The following USP36 variants were observed in gnomAD, a reference collection of about 807,000 sequenced individuals.
USP36 encodes ubiquitin carboxyl-terminal hydrolase 36.
Under a neutral mutation model 111.5 loss-of-function variants are expected in USP36, and 59 were observed. The ratio of observed to expected loss-of-function variants is 0.53; its 90% CI spans 0.43 to 0.66. The LOEUF is 0.66. USP36 is among the 30% of genes least tolerant of loss of function. The probability of loss-of-function intolerance (pLI) is 0.00; values close to 1 mark genes in which losing one functional copy is unlikely to be tolerated. For missense variants in USP36, 1,488 were observed against 1,468.0 expected (o/e 1.01, Z -0.22); for synonymous variants, 628 against 581.0 (o/e 1.08, Z -1.16).
Position 78,823,056 on chromosome 17 carries a change from C to T in USP36, c.690-1052G>A, listed in dbSNP as rs114167365. Reference sequence around the variant, plus strand: ...CATTCCACACCCGCAGGCTACACTTCCCCTCCCACAGAACATGCACACCTC... The same window carrying T: ...CATTCCACACCCGCAGGCTACACTTTCCCTCCCACAGAACATGCACACCTC... On this transcript the variant is annotated intron_variant, in intron 6 of 20. Coordinates refer to ENST00000449938, the MANE Select transcript of USP36 (RefSeq NM_001385174.1). The T allele has an allele frequency of 2.5e-3, 992 of 398,746 alleles. 6 individuals are homozygous for T. Among genetic ancestry groups the T allele is most frequent in the African/African-American group, 0.018 (875 of 48,708 alleles). The allele number at this position is 398,746 out of a possible 1,614,324, so 24.7% of individuals were successfully genotyped here. A position where few individuals can be genotyped will look rare whatever the true frequency, so the allele number is the denominator to read the frequency against.
At chr17:78,801,884 G>T (rs1382925410) in intron 17 of USP36, among the ~76,000 whole-genome samples, 1 of 152,190 alleles carries the variant, frequency 6.6e-6, no homozygotes, top group Non-Finnish European at 1.5e-5. Flanking sequence ...CTCTCTCATG[G>T]GGCTGTTTCA....
At chr17:78,810,516 C>CT (rs1450253639) in intron 13 of USP36, among the ~76,000 whole-genome samples, 1 of 152,156 alleles carries the variant, frequency 6.6e-6, no homozygotes, top group Non-Finnish European at 1.5e-5. Flanking sequence ...CTGGGATCCA[C>CT]TGATCTTCCC....
chr17:78,817,789 T>C (rs566003268), intron 10 of USP36, among the ~76,000 whole-genome samples: 2 of 151,030 alleles, frequency 1.3e-5, no homozygotes, highest in East Asian at 1.9e-4. Flanking sequence ...TCTATGAAAA[T>C]GCCACTATAG....
intron 1 of USP36, among the ~76,000 whole-genome samples, chr17:78,839,147 C>T (rs772389787): frequency 6.6e-6 from 1 of 152,146 alleles, no homozygotes; most frequent in African/African-American, 2.4e-5. Flanking sequence ...TTTTGCTTTG[C>T]TAAGTGTGGA....
chr17:78,795,334 T>C (rs981861563), downstream of USP36, among the ~76,000 whole-genome samples: 1 of 152,130 alleles, frequency 6.6e-6, no homozygotes, highest in Non-Finnish European at 1.5e-5. This position sits in a 1 kb window ranked among gnomAD's most constrained non-coding sequence, Gnocchi z 4.5. Context: ...GTGGATACCG[T>C]GGGGTGGAGA....
At chr17:78,794,816 G>A (rs1017609309), downstream of USP36, among the ~76,000 whole-genome samples, 1 of 151,984 alleles carries the variant, frequency 6.6e-6, no homozygotes, top group Non-Finnish European at 1.5e-5. Flanking sequence ...AGACCAGCCT[G>A]GCCAACATGG....
intron 4 of USP36, among the ~76,000 whole-genome samples, chr17:78,831,402 C>T (rs534538410): frequency 4.5e-4 from 68 of 151,834 alleles, no homozygotes; most frequent in African/African-American, 1.6e-3. Flanking sequence ...CACGTGAGGT[C>T]AAGAGTTCAA....
At chr17:78,794,024 C>G (rs775553332), downstream of USP36, among the ~76,000 whole-genome samples, 3 of 152,196 alleles carry the variant, frequency 2.0e-5, no homozygotes, top group Non-Finnish European at 2.9e-5. Flanking sequence ...GCCTCCGAAC[C>G]CAACTAACCA....
In USP36 at chr17:78,814,275, G is replaced by A. The variant is rs570971320; in HGVS notation, c.1164+137C>T. The stretch of plus-strand genomic sequence containing the variant: ...GCATCTTTTCACTCCACGCAGAGAG[G>A]CAACAACGAGGACTTGAATACAACC... On this transcript the variant is annotated intron_variant, in intron 11 of 20. Transcript: ENST00000449938. 18 of 1,189,230 alleles carry A rather than the reference G, an allele frequency of 1.5e-5. No homozygotes were observed. The East Asian group carries it at 4.6e-4, about 30-fold the overall frequency. 73.7% of individuals were successfully genotyped at this position (1,189,230 alleles called of 1,614,324 possible). A position where few individuals can be genotyped will look rare whatever the true frequency, so the allele number is the denominator to read the frequency against.
intron 9 of USP36, among the ~76,000 whole-genome samples, chr17:78,819,269 C>T (rs915582228): frequency 2.6e-5 from 4 of 152,118 alleles, no homozygotes; most frequent in African/African-American, 9.7e-5. Flanking sequence ...GTGCCTACAG[C>T]TTTACAAGGA....
chr17:78,795,351 A>G (rs1276827664), downstream of USP36, among the ~76,000 whole-genome samples: 1 of 152,230 alleles, frequency 6.6e-6, no homozygotes, highest in African/African-American at 2.4e-5. The surrounding 1 kb of genome is among the most constrained non-coding windows in gnomAD (Gnocchi z 4.5). Context: ...GAGAAAGCTT[A>G]CTTCCAAGTT....
At chr17:78,822,148 C>T in intron 6 of USP36, 144 bp from the exon 7 acceptor site, 1 of 872,850 alleles carries the variant, frequency 1.1e-6, no homozygotes, top group South Asian at 1.6e-5. Flanking sequence ...CACCACAGAC[C>T]CTTAACCTCC....
At position 78,835,273 on chromosome 17, in the gene USP36, C is replaced by A; in HGVS notation, c.475+7G>T. 1 of 1,613,628 alleles carries A rather than the reference C, an allele frequency of 6.2e-7. No individual in the cohort carries two copies. The highest frequency in any genetic ancestry group is 1.7e-5 in the Admixed American group (1 of 59,964). The stretch of plus-strand genomic sequence containing the variant: ...CAGCCACCCCACTGCTGCAAACCCA[C>A]ACTCACAGCTGCGAGCATGCTCCTT... On this transcript the variant is annotated splice_region_variant and intron_variant, in intron 4 of 20. Transcript: ENST00000449938.
At chr17:78,828,828 G>T in intron 5 of USP36, 69 bp downstream of exon 5, 1 of 1,468,572 alleles carries the variant, frequency 6.8e-7, no homozygotes, top group Non-Finnish European at 9.3e-7. Context: ...AACATAGCGA[G>T]AACCCCATCT....
Position 78,798,447 on chromosome 17 carries a change from C to T in USP36, c.3345G>A (p.Lys1115=). 6.2e-7 allele frequency: 1 copy of T among 1,614,238 alleles called. No homozygotes were observed. Among genetic ancestry groups the T allele is most frequent in the South Asian group, 1.1e-5 (1 of 91,088 alleles). ...AGCGGCGATAGCTGAGGCTGGCAGCCTTTGCTGGGTGAGTCACAGACCAGA... is the reference window on the plus strand; with the variant it reads ...AGCGGCGATAGCTGAGGCTGGCAGCTTTTGCTGGGTGAGTCACAGACCAGA... ...RNFWSVTHPA[K]AASLSYRR is the part of the protein sequence containing the mutation. The change falls in exon 20 of 21, where the codon AAG becomes AAA. Residue 1115 remains lysine, a synonymous_variant. Transcript: ENST00000449938. This position sits in a 1 kb window ranked among gnomAD's most constrained non-coding sequence, Gnocchi z 5.1.
At chr17:78,802,191 C>T (rs1183597880) in intron 17 of USP36, 133 bp downstream of exon 17, 9 of 798,522 alleles carry the variant, frequency 1.1e-5, no homozygotes, top group East Asian at 6.4e-5. Flanking sequence ...TGCACACCCA[C>T]GCGGTCCAAC....
Position 78,803,314 on chromosome 17 carries a change from G to T in USP36, c.2810+71C>A. The T allele has an allele frequency of 6.7e-7, 1 of 1,498,768 alleles. No individual in the cohort carries two copies. Among genetic ancestry groups the T allele is most frequent in the South Asian group, 1.2e-5 (1 of 80,628 alleles). 92.8% of individuals were successfully genotyped at this position (1,498,768 alleles called of 1,614,324 possible). A position where few individuals can be genotyped will look rare whatever the true frequency, so the allele number is the denominator to read the frequency against. ...TACGTTTCCAGACCATACCTACTTG[G>T]GGGTAGATTCTGTGGTTTTGCTTTG... is the stretch of plus-strand genomic sequence containing the variant. On this transcript the variant is annotated intron_variant, in intron 16 of 20. Coordinates refer to ENST00000449938, the MANE Select transcript of USP36 (RefSeq NM_001385174.1). The surrounding 1 kb of genome is among the most constrained non-coding windows in gnomAD (Gnocchi z 4.6).
chr17:78,812,951 G>A lies in USP36; in HGVS notation c.1316C>T (p.Ser439Phe). Residue 439 changes from serine to phenylalanine, a missense_variant, in exon 13 of 21, where the codon TCC becomes TTC. Transcript: ENST00000449938. ...SPEGLISRTGSSSLPGRPSVI... is the reference protein window; with the variant it reads ...SPEGLISRTGFSSLPGRPSVI... ...ACTCGGGCGGCCGGGAAGGGAGGAG[G>A]AGCCTGTCCTGGAGATGAGGCCCTC... 1 of 1,614,106 alleles carries A rather than the reference G, an allele frequency of 6.2e-7. No individual in the cohort carries two copies. Among genetic ancestry groups the A allele is most frequent in the African/African-American group, 1.3e-5 (1 of 75,030 alleles).
In USP36 at chr17:78,809,529, C is replaced by G. The variant is rs906409122; in HGVS notation, c.1408-1893G>C. 7.8e-4 allele frequency among the ~76,000 whole-genome samples: 118 copies of G among 152,186 alleles called. 1 individual carries two copies. Among genetic ancestry groups the G allele is most frequent in the African/African-American group, 2.8e-3 (116 of 41,524 alleles). ...ATGAAAATGCTCATGGTCAGTGAAG[C>G]GCCCCTGCAGGTGTGCCTGACACAG... On this transcript the variant is annotated intron_variant, in intron 13 of 20. Transcript: ENST00000449938.
Sources: gnomAD v4.1 joint callset for allele counts (sites outside exome capture counted in the v4.1 genomes callset) on GRCh38, gnomAD v4.1.1 for gene constraint, Gnocchi (gnomAD v3.1) non-coding constraint, MANE v1.5 for transcripts, NCBI Gene and HGNC (gene_info 2026-07-23, HGNC 2026-07-21) for gene names.